Variants in CTNNA3 observed in about 807,000 individuals in gnomAD.
CTNNA3 encodes the protein catenin alpha-3.
CTNNA3 carries 76 observed loss-of-function variants against 95.7 expected under a neutral mutation model. The ratio of observed to expected loss-of-function variants is 0.79; its 90% CI spans 0.66 to 0.96. The LOEUF (loss-of-function observed/expected upper bound fraction) is 0.96. Among genes scored for constraint, CTNNA3 ranks in the 40% least tolerant of loss-of-function variants. The probability of loss-of-function intolerance (pLI) is 0.00; values close to 1 mark genes in which losing one functional copy is unlikely to be tolerated. For missense variants in CTNNA3, 1,191 were observed against 1,089.8 expected, an observed-to-expected ratio of 1.09 and a Z score of -1.31; for synonymous variants, 431 against 374.4, an observed-to-expected ratio of 1.15 and a Z score of -1.74.
At chr10:67,335,039 C>CAT (rs1231227068) in intron 5 of CTNNA3, among the ~76,000 whole-genome samples, 1 of 152,028 alleles carries the variant, frequency 6.6e-6, no homozygotes, top group Non-Finnish European at 1.5e-5. Flanking sequence ...CACACACACA[C>CAT]ATATACACAC....
At chr10:66,483,741 G>C (rs559471943) in intron 11 of CTNNA3, among the ~76,000 whole-genome samples, 17 of 152,116 alleles carry the variant, frequency 1.1e-4, no homozygotes, top group African/African-American at 3.9e-4. Flanking sequence ...ATGTTAATTT[G>C]TCCCTGAAAT....
At chr10:67,170,152 G>A (rs868424253) in intron 7 of CTNNA3, among the ~76,000 whole-genome samples, 5 of 152,086 alleles carry the variant, frequency 3.3e-5, no homozygotes. Context: ...AGAAAAGGAA[G>A]CACTTATATA....
chr10:66,908,645 T>A (rs1001442646), intron 7 of CTNNA3, among the ~76,000 whole-genome samples: 1 of 152,194 alleles, frequency 6.6e-6, no homozygotes, highest in African/African-American at 2.4e-5. Flanking sequence ...AAGAGTATTC[T>A]AGCTGCTGCT....
chr10:66,247,033 A>T lies in CTNNA3; in HGVS notation c.1884+33437T>A, dbSNP rs571712946. Among the ~76,000 whole-genome samples, 8 of 131,906 alleles carry T rather than the reference A, an allele frequency of 6.1e-5. No individual in the cohort carries two copies. In the South Asian group the frequency reaches 2.3e-3, roughly 38 times the overall value. 86.5% of individuals were successfully genotyped at this position (131,906 alleles called of 152,430 possible). ...CCAGTGCACTCCAGCCTGGTGACAC[A>T]GCAAGACTCCATCTCAAAAAAAAAA... On this transcript the variant is annotated intron_variant, in intron 13 of 17. Coordinates refer to ENST00000433211, the MANE Select transcript of CTNNA3 (RefSeq NM_013266.4).
intron 9 of CTNNA3, among the ~76,000 whole-genome samples, chr10:66,731,898 A>T (rs1437819783): frequency 1.3e-5 from 2 of 152,206 alleles, no homozygotes; most frequent in Non-Finnish European, 2.9e-5. Flanking sequence ...CCTGGCTAGA[A>T]TTCACAGGAC....
intron 7 of CTNNA3, among the ~76,000 whole-genome samples, chr10:66,853,771 C>G (rs773396559): frequency 6.6e-6 from 1 of 152,096 alleles, no homozygotes; most frequent in Non-Finnish European, 1.5e-5. Flanking sequence ...TTTTATTTTT[C>G]TCTCTGCTTT....
At chr10:66,199,058 T>A (rs1332470646) in intron 13 of CTNNA3, among the ~76,000 whole-genome samples, 2 of 152,042 alleles carry the variant, frequency 1.3e-5, no homozygotes, top group Admixed American at 1.3e-4. Context: ...TGCTGAAGAG[T>A]TGTTTCCATC....
chr10:67,161,296 T>A (rs550998588), intron 7 of CTNNA3, among the ~76,000 whole-genome samples: 1 of 152,112 alleles, frequency 6.6e-6, no homozygotes, highest in African/African-American at 2.4e-5. Context: ...ACTTCTTTCT[T>A]CAGTTTTCTA....
At chr10:67,335,131 A>G (rs900713878) in intron 5 of CTNNA3, among the ~76,000 whole-genome samples, 1 of 152,018 alleles carries the variant, frequency 6.6e-6, no homozygotes, top group Non-Finnish European at 1.5e-5. Flanking sequence ...CATCTGTTTG[A>G]GTTTTCTCGT....
intron 5 of CTNNA3, among the ~76,000 whole-genome samples, chr10:67,513,891 C>T (rs996129667): frequency 5.3e-5 from 8 of 152,190 alleles, no homozygotes; most frequent in African/African-American, 1.4e-4. Flanking sequence ...GAGGGCTCAC[C>T]AAAGAACCAA....
chr10:66,861,310 A>G (rs1843913365), intron 7 of CTNNA3, among the ~76,000 whole-genome samples: 1 of 152,144 alleles, frequency 6.6e-6, no homozygotes. Context: ...GTCTGTGTGG[A>G]GTTTGCACGT....
chr10:66,074,318 T>C lies in CTNNA3; in HGVS notation c.1978-4829A>G, dbSNP rs546016690. Among the ~76,000 whole-genome samples, 141 of 151,990 alleles carry C rather than the reference T, an allele frequency of 9.3e-4. 1 individual carries two copies. The highest frequency in any genetic ancestry group is 3.2e-3 in the African/African-American group (134 of 41,486). On this transcript the variant is annotated intron_variant, in intron 14 of 17. Coordinates refer to ENST00000433211, the MANE Select transcript of CTNNA3 (RefSeq NM_013266.4). ...GTTTTTGGCTATGATAAATAATGAG[T>C]ATTCTTGGACTTTTCTTTAGGTGCA...
intron 7 of CTNNA3, among the ~76,000 whole-genome samples, chr10:66,919,090 G>C (rs1009239573): frequency 6.8e-6 from 1 of 147,174 alleles, no homozygotes; most frequent in East Asian, 2.0e-4. Context: ...AGCCGGGATC[G>C]TGCCACTGAA....
At chr10:66,490,211 T>C (rs1162408149) in intron 11 of CTNNA3, among the ~76,000 whole-genome samples, 1 of 152,144 alleles carries the variant, frequency 6.6e-6, no homozygotes. Flanking sequence ...AATTTTATAT[T>C]TTCTGAATTT....
intron 15 of CTNNA3, among the ~76,000 whole-genome samples, chr10:65,994,060 AC>A (rs1246714337): frequency 1.3e-5 from 2 of 152,140 alleles, no homozygotes; most frequent in African/African-American, 4.8e-5. Flanking sequence ...TAATCCATTT[AC>A]CTTCAAAGTT....
chr10:66,100,034 A>G (rs1037941518), intron 14 of CTNNA3, among the ~76,000 whole-genome samples: 2 of 152,030 alleles, frequency 1.3e-5, no homozygotes, highest in Non-Finnish European at 2.9e-5. Flanking sequence ...ATATGGAGTA[A>G]TTTTCTTTTA....
intron 2 of CTNNA3, among the ~76,000 whole-genome samples, chr10:67,640,403 C>T (rs1451774693): frequency 6.6e-6 from 1 of 152,126 alleles, no homozygotes; most frequent in African/African-American, 2.4e-5. Context: ...TAGGAAGAAT[C>T]AATATCATGA....
intron 10 of CTNNA3, among the ~76,000 whole-genome samples, chr10:66,601,819 C>T (rs1305541575): frequency 6.6e-6 from 1 of 151,782 alleles, no homozygotes; most frequent in African/African-American, 2.4e-5. Context: ...TGCTTTTTAA[C>T]ACTACCTTTC....
chr10:66,884,688 T>A (rs1254645619), intron 7 of CTNNA3, among the ~76,000 whole-genome samples: 1 of 152,150 alleles, frequency 6.6e-6, no homozygotes, highest in Non-Finnish European at 1.5e-5. Context: ...AACTGTGAGA[T>A]AATAAATATG....
Sources: allele counts gnomAD v4.1 joint callset (sites outside exome capture counted in the v4.1 genomes callset), GRCh38; gene constraint gnomAD v4.1.1; transcripts MANE v1.5; gene names NCBI Gene and HGNC (gene_info 2026-07-23, HGNC 2026-07-21).